Variants in MYRIP observed in about 807,000 individuals in gnomAD.
The protein encoded by MYRIP is rab effector MyRIP.
A neutral mutation model predicts 98.0 loss-of-function variants in MYRIP; 49 were observed. That is an observed-to-expected ratio of 0.50 (90% CI 0.40 to 0.63). MYRIP has a LOEUF of 0.63. Ranked by LOEUF, MYRIP falls within the 30% of genes least tolerant of loss-of-function variation. The pLI is 0.00. For missense variants in MYRIP, 1,004 were observed against 1,058.2 expected, an observed-to-expected ratio of 0.95 and a Z score of 0.71; for synonymous variants, 404 against 409.5, an observed-to-expected ratio of 0.99 and a Z score of 0.16.
rs1559452063 is a variant in MYRIP, at chr3:40,204,221, A to T, written c.1666-5633A>T. ...TATATTATATATTTATATATTATATATAAATATATATATATTTTTTTTTTT... is the reference window on the plus strand; with the variant it reads ...TATATTATATATTTATATATTATATTTAAATATATATATATTTTTTTTTTT... On this transcript the variant is annotated intron_variant, in intron 10 of 16. Coordinates refer to ENST00000302541, the MANE Select transcript of MYRIP (RefSeq NM_015460.4). Among the ~76,000 whole-genome samples the T allele has an allele frequency of 5.5e-3, 39 of 7,060 alleles. No homozygotes were observed. In the South Asian group the frequency reaches 0.058, roughly 10 times the overall value. 4.6% of individuals were successfully genotyped at this position (7,060 alleles called of 152,430 possible). A position where few individuals can be genotyped will look rare whatever the true frequency, so the allele number is the denominator to read the frequency against.
At chr3:40,157,418 TG>T (rs1950268609) in intron 4 of MYRIP, among the ~76,000 whole-genome samples, 1 of 147,752 alleles carries the variant, frequency 6.8e-6, no homozygotes, top group African/African-American at 2.5e-5. Context: ...TGAGGATTTT[TG>T]CATCAATGTT....
intron 2 of MYRIP, among the ~76,000 whole-genome samples, chr3:39,994,928 G>C (rs1946298472): frequency 1.3e-5 from 2 of 152,172 alleles, no homozygotes; most frequent in East Asian, 1.9e-4. Flanking sequence ...AGGCAAACAG[G>C]GTCTGGAGTG....
At position 39,814,790 on chromosome 3, in the gene MYRIP, C is replaced by A. The variant is rs1940840901; in HGVS notation, c.-31+4874C>A. ...CTTCAACATGAATTTTAGGATCTAT[C>A]CCTTCCTATGAAAATTCCTGTTATA... On this transcript the variant is annotated intron_variant, in intron 1 of 16. Coordinates refer to ENST00000302541, the MANE Select transcript of MYRIP (RefSeq NM_015460.4). Among the ~76,000 whole-genome samples, 3 of 152,278 alleles carry A rather than the reference C, an allele frequency of 2.0e-5. No homozygotes were observed. The South Asian group carries it at 6.2e-4, about 32-fold the overall frequency.
At chr3:40,204,353 T>C (rs1951738634) in intron 10 of MYRIP, among the ~76,000 whole-genome samples, 1 of 147,620 alleles carries the variant, frequency 6.8e-6, no homozygotes, top group South Asian at 2.1e-4. Context: ...AGCTAATTTT[T>C]GTATTTTTAG....
chr3:39,917,030 A>T (rs917541680), intron 2 of MYRIP, among the ~76,000 whole-genome samples: 5 of 152,154 alleles, frequency 3.3e-5, no homozygotes, highest in Non-Finnish European at 5.9e-5. Flanking sequence ...ACTCTCCCTG[A>T]GCAATTGACT....
At chr3:39,816,952 A>T (rs932654487) in intron 1 of MYRIP, among the ~76,000 whole-genome samples, 3 of 152,242 alleles carry the variant, frequency 2.0e-5, no homozygotes, top group Admixed American at 2.0e-4. Context: ...ACATGAAAAC[A>T]TTCATTAATG....
At chr3:40,229,011 AT>A (rs1247411405) in intron 11 of MYRIP, among the ~76,000 whole-genome samples, 4 of 152,230 alleles carry the variant, frequency 2.6e-5, no homozygotes, top group African/African-American at 9.6e-5. Flanking sequence ...CTTGAAATGA[AT>A]TTGCAATTTT....
chr3:39,819,867 G>T (rs1941051630), intron 1 of MYRIP, among the ~76,000 whole-genome samples: 1 of 152,080 alleles, frequency 6.6e-6, no homozygotes, highest in Non-Finnish European at 1.5e-5. Context: ...AACTGTTTTT[G>T]GTTTTTTATT....
chr3:39,967,460 A>G (rs542726914), intron 2 of MYRIP, among the ~76,000 whole-genome samples: 5 of 152,286 alleles, frequency 3.3e-5, no homozygotes, highest in African/African-American at 1.2e-4. Flanking sequence ...GTACATATGT[A>G]CCATATTTTC....
intron 2 of MYRIP, among the ~76,000 whole-genome samples, chr3:40,028,849 A>G (rs945983330): frequency 2.6e-5 from 4 of 152,150 alleles, no homozygotes; most frequent in Non-Finnish European, 4.4e-5. Context: ...ATAATCTAAT[A>G]AGTGAGAGAT....
chr3:39,864,817 A>G (rs1942576173), intron 1 of MYRIP, among the ~76,000 whole-genome samples: 1 of 152,180 alleles, frequency 6.6e-6, no homozygotes, highest in African/African-American at 2.4e-5. Context: ...TTCATATGGA[A>G]CAAACGAAAA....
intron 3 of MYRIP, among the ~76,000 whole-genome samples, chr3:40,121,631 C>T (rs745476553): frequency 2.2e-4 from 34 of 152,182 alleles, no homozygotes; most frequent in Non-Finnish European, 4.3e-4. Flanking sequence ...AAGCTACCTT[C>T]CACCAGGTGC....
intron 4 of MYRIP, among the ~76,000 whole-genome samples, chr3:40,156,652 A>C (rs1378802697): frequency 6.6e-6 from 1 of 150,762 alleles, no homozygotes; most frequent in African/African-American, 2.4e-5. Flanking sequence ...ATTTGTTTGT[A>C]TCCTCTTTTA....
chr3:40,233,842 G>A lies in MYRIP; in HGVS notation c.1906-17G>A. ...CTGTTCTTGTCTTCTGTCCCCTTCT[G>A]TTATCGGACCAAACAGAAGTTTTCT... is the stretch of plus-strand genomic sequence containing the variant. On this transcript the variant is annotated splice_polypyrimidine_tract_variant and intron_variant, in intron 11 of 16. Coordinates refer to ENST00000302541, the MANE Select transcript of MYRIP (RefSeq NM_015460.4). The A allele has an allele frequency of 6.2e-7, 1 of 1,608,304 alleles. No homozygotes were observed. Among genetic ancestry groups the A allele is most frequent in the Non-Finnish European group, 8.5e-7 (1 of 1,178,104 alleles).
At position 39,836,902 on chromosome 3, in the gene MYRIP, C is replaced by T. The variant is rs145901589; in HGVS notation, c.-31+26986C>T. Among the ~76,000 whole-genome samples the T allele has an allele frequency of 1.8e-4, 28 of 152,284 alleles. 1 individual carries two copies. The highest frequency in any genetic ancestry group is 7.2e-4 in the Admixed American group (11 of 15,306). On this transcript the variant is annotated intron_variant, in intron 1 of 16. Coordinates refer to ENST00000302541, the MANE Select transcript of MYRIP (RefSeq NM_015460.4). The stretch of plus-strand genomic sequence containing the variant: ...GGGCAATTTTCCTGGTTGACCTCCC[C>T]GCCAGAGGGCCATCTGGCTCAAAAG...
At chr3:40,019,022 A>G (rs1946931490) in intron 2 of MYRIP, among the ~76,000 whole-genome samples, 2 of 152,162 alleles carry the variant, frequency 1.3e-5, no homozygotes, top group African/African-American at 4.8e-5. Flanking sequence ...TGATGCTCTC[A>G]GCTTTTGTAA....
chr3:39,878,236 G>A (rs1943061760), intron 1 of MYRIP, among the ~76,000 whole-genome samples: 1 of 152,186 alleles, frequency 6.6e-6, no homozygotes, highest in Admixed American at 6.5e-5. Context: ...CGATTTTCCA[G>A]GTGCTGTCTG....
intron 1 of MYRIP, among the ~76,000 whole-genome samples, chr3:39,830,906 C>T (rs1448521434): frequency 6.6e-6 from 1 of 152,168 alleles, no homozygotes; most frequent in Non-Finnish European, 1.5e-5. Context: ...CTCTTAAACC[C>T]ATCCCTGCAG....
chr3:40,218,612 T>TTTATATATATATATATATATA (rs1337574787), intron 11 of MYRIP, among the ~76,000 whole-genome samples: 1 of 13,568 alleles, frequency 7.4e-5, no homozygotes, highest in Non-Finnish European at 2.9e-4. Context: ...TATATATATT[T>TTTATATATATATATATATATA]TATATATATA....
Sources: gnomAD v4.1 joint callset for allele counts (sites outside exome capture counted in the v4.1 genomes callset) on GRCh38, gnomAD v4.1.1 for gene constraint, MANE v1.5 for transcripts, NCBI Gene and HGNC (gene_info 2026-07-23, HGNC 2026-07-21) for gene names.